The following CARD19 variants were observed in gnomAD, a reference collection of about 807,000 sequenced individuals.
The protein encoded by CARD19 is caspase recruitment domain family member 19, also known as caspase recruitment domain-containing protein 19.
A neutral mutation model predicts 24.1 loss-of-function variants in CARD19; 25 were observed. That is an observed-to-expected ratio of 1.04 (90% CI 0.76 to 1.45). CARD19 has a LOEUF of 1.45. CARD19 is among the 40% of genes most tolerant of loss of function. The probability of loss-of-function intolerance (pLI) is 0.00; values close to 1 mark genes in which losing one functional copy is unlikely to be tolerated. For synonymous variants in CARD19, 103 were observed against 104.9 expected (o/e 0.98, Z 0.11); for missense variants, 241 against 247.4 (o/e 0.97, Z 0.17).
At position 93,111,880 on chromosome 9, in the gene CARD19, G is replaced by T. The variant is rs562973182; in HGVS notation, c.306G>T (p.Gln102His). ...TATGCTCTGTGGTTTTGTTTCCAGA[G>T]AACTCAGATTGCACAGAGCTAGACT... The part of the protein sequence containing the change: ...HSRLPSRHAL[Q>H]NSDCTELDSG... The change falls in exon 4 of 6, where the codon CAG becomes CAT. Residue 102 changes from glutamine (Q) to histidine (H), a missense_variant and splice_region_variant. Transcript: ENST00000375464. 5 of 1,611,814 alleles carry T rather than the reference G, an allele frequency of 3.1e-6. No individual in the cohort carries two copies. The African/African-American group carries it at 5.3e-5, about 17-fold the overall frequency.
At position 93,110,739 on chromosome 9, in the gene CARD19, A is replaced by G. The variant is rs1421499046; in HGVS notation, c.304+18A>G. 6 of 1,606,258 alleles carry G rather than the reference A, an allele frequency of 3.7e-6. No homozygotes were observed. The Admixed American group carries it at 5.0e-5, about 13-fold the overall frequency. On this transcript the variant is annotated intron_variant, in intron 3 of 5. Transcript: ENST00000375464. ...CGCTCTGCGTAAGTTCCACATCACC[A>G]ACCATGCATGCTTGGTGCTGGCCCG...
Position 93,096,680 on chromosome 9 carries a change from A to C in CARD19, c.7+328A>C, listed in dbSNP as rs983928128. Reference sequence around the variant, plus strand: ...CCGCGGTCTGGGCTCAGCCACTGCCAATGTGTGTGTGTCCCGTGGTGGGGA... The same window carrying C: ...CCGCGGTCTGGGCTCAGCCACTGCCCATGTGTGTGTGTCCCGTGGTGGGGA... On this transcript the variant is annotated intron_variant, in intron 1 of 5. Transcript: ENST00000375464. The surrounding 1 kb of genome is among the most constrained non-coding windows in gnomAD (Gnocchi z 5.4). Among the ~76,000 whole-genome samples, 7 of 152,082 alleles carry C rather than the reference A, an allele frequency of 4.6e-5. No homozygotes were observed. The highest frequency in any genetic ancestry group is 1.7e-4 in the African/African-American group (7 of 41,420).
chr9:93,112,436 G>T, intron 5 of CARD19, 147 bp downstream of exon 5: 1 of 681,270 alleles, frequency 1.5e-6, no homozygotes, highest in South Asian at 1.7e-5. Flanking sequence ...CACCTCGCAG[G>T]GCTCCTGAGA....
intron 1 of CARD19, among the ~76,000 whole-genome samples, chr9:93,098,581 A>G (rs1331614906): frequency 6.6e-6 from 1 of 152,228 alleles, no homozygotes; most frequent in Non-Finnish European, 1.5e-5. Flanking sequence ...AAAACAGTTC[A>G]GGGACTTGTT....
chr9:93,099,560 G>A (rs1827002267), intron 1 of CARD19, among the ~76,000 whole-genome samples: 1 of 152,220 alleles, frequency 6.6e-6, no homozygotes, highest in Non-Finnish European at 1.5e-5. Flanking sequence ...AAGGTTGTAG[G>A]TGACGTAGGG....
At chr9:93,110,495 C>A (rs369512341) in intron 2 of CARD19, 73 bp from the exon 3 acceptor site, 6 of 1,518,750 alleles carry the variant, frequency 4.0e-6, no homozygotes, top group Admixed American at 4.2e-5. Context: ...GGGGGCCTGA[C>A]CTTGGTGCCC....
chr9:93,107,133 T>C (rs551317357), intron 1 of CARD19, among the ~76,000 whole-genome samples: 3 of 152,318 alleles, frequency 2.0e-5, no homozygotes, highest in Admixed American at 6.5e-5. Context: ...CCCTGAGCCC[T>C]GTGTCCCTGT....
At chr9:93,109,174 G>A (rs1827370650) in intron 2 of CARD19, 1 of 152,240 alleles carries the variant, frequency 6.6e-6, no homozygotes, top group Non-Finnish European at 1.5e-5. Flanking sequence ...TGCAATTGAA[G>A]TCTAATGCAT....
intron 3 of CARD19, chr9:93,111,230 G>C: frequency 8.5e-7 from 1 of 1,177,172 alleles, no homozygotes; most frequent in Non-Finnish European, 1.1e-6. Context: ...GTGCATTTCA[G>C]TTTTGAGGCT....
rs560074078 is a variant in CARD19 at position 93,107,610 on chromosome 9, C to T, written c.8-64C>T. On this transcript the variant is annotated intron_variant, in intron 1 of 5. Transcript: ENST00000375464. ...TGCCTTCCTGTGGTCAGTGTCAGTA[C>T]GAGGCTGTCGTCTCTGGTCCCCTTG... 104 of 1,584,840 alleles carry T rather than the reference C, an allele frequency of 6.6e-5. No homozygotes were observed. The East Asian group carries it at 9.9e-4, about 15-fold the overall frequency.
At chr9:93,110,108 C>T (rs1016090875) in intron 2 of CARD19, 1 of 164,096 alleles carries the variant, frequency 6.1e-6, no homozygotes, top group Non-Finnish European at 1.4e-5. Context: ...ATTCTCCTGC[C>T]TCAGCCTCCC....
At chr9:93,111,244 G>A (rs1234836411) in intron 3 of CARD19, 5 of 1,173,770 alleles carry the variant, frequency 4.3e-6, no homozygotes, top group Non-Finnish European at 5.3e-6. Flanking sequence ...TGAGGCTCCT[G>A]TCCTCAGGCA....
At chr9:93,111,658 T>G in intron 3 of CARD19, 14 of 1,381,738 alleles carry the variant, frequency 1.0e-5, no homozygotes, top group Non-Finnish European at 1.3e-5. Flanking sequence ...TAGAGCACCT[T>G]CTGTGGCTCC....
chr9:93,111,742 G>A, intron 3 of CARD19, 137 bp from the exon 4 acceptor site: 2 of 1,486,010 alleles, frequency 1.3e-6, no homozygotes, highest in Non-Finnish European at 9.0e-7. Context: ...CCTGAGGAGG[G>A]CTAGCCTCAG....
chr9:93,106,999 A>G (rs935501061), intron 1 of CARD19, among the ~76,000 whole-genome samples: 6 of 127,328 alleles, frequency 4.7e-5, no homozygotes, highest in African/African-American at 1.6e-4. Context: ...GTGATTCTGG[A>G]AAAAAAAAAG....
At position 93,107,766 on chromosome 9, in the gene CARD19, C is replaced by T. The variant is rs1827321096; in HGVS notation, c.100C>T (p.Gln34Ter). 1 of 1,614,120 alleles carries T rather than the reference C, an allele frequency of 6.2e-7. No individual in the cohort carries two copies. The highest frequency in any genetic ancestry group is 1.7e-5 in the Admixed American group (1 of 60,012). Residue 34 changes from glutamine (Q) to a stop codon, truncating the protein, a stop_gained, in exon 2 of 6, where the codon CAG becomes TAG. Coordinates refer to ENST00000375464, the MANE Select transcript of CARD19 (RefSeq NM_032310.5). LOFTEE classifies it high-confidence loss of function. Reference sequence around the variant, plus strand: ...GCAGCAGGTGGACAGGATCATCCTCCAGCTGAACCGTTACTACCCACAGAT... The same window carrying T: ...GCAGCAGGTGGACAGGATCATCCTCTAGCTGAACCGTTACTACCCACAGAT... ...SEQQVDRIIL[Q>*]LNRYYPQILT... is the part of the protein sequence containing the mutation.
chr9:93,103,328 G>A (rs1016052787), intron 1 of CARD19, among the ~76,000 whole-genome samples: 2 of 152,142 alleles, frequency 1.3e-5, no homozygotes, highest in Non-Finnish European at 2.9e-5. Flanking sequence ...AAAATAATCT[G>A]AGGATGTTCA....
intron 1 of CARD19, among the ~76,000 whole-genome samples, chr9:93,097,150 G>T (rs1826904231): frequency 6.6e-6 from 1 of 152,196 alleles, no homozygotes; most frequent in Non-Finnish European, 1.5e-5. Flanking sequence ...CGGCCAGGGA[G>T]TATGGGGGTT....
rs534294239 is a variant in CARD19 at position 93,111,006 on chromosome 9, G to A, written c.304+285G>A. On this transcript the variant is annotated intron_variant, in intron 3 of 5. Transcript: ENST00000375464. The stretch of plus-strand genomic sequence containing the variant: ...TCACACAGCATGGGGCATCTTATAC[G>A]TCCACTCTTGCCCTTCCTTTTCTAA... 67 of 1,477,374 alleles carry A rather than the reference G, an allele frequency of 4.5e-5. No individual in the cohort carries two copies. The African/African-American group carries it at 7.5e-4, about 17-fold the overall frequency. The allele number at this position is 1,477,374 out of a possible 1,614,324, so 91.5% of individuals were successfully genotyped here.
Sources: gnomAD v4.1 joint callset for allele counts (sites outside exome capture counted in the v4.1 genomes callset) on GRCh38, gnomAD v4.1.1 for gene constraint, Gnocchi (gnomAD v3.1) non-coding constraint, MANE v1.5 for transcripts, NCBI Gene and HGNC (gene_info 2026-07-23, HGNC 2026-07-21) for gene names.